DERA: variants seen among roughly 807,000 people sequenced by gnomAD.
DERA encodes deoxyribose-phosphate aldolase.
A neutral mutation model predicts 41.1 loss-of-function variants in DERA; 15 were observed. That is an observed-to-expected ratio of 0.37 (90% confidence interval 0.24 to 0.56). The LOEUF (loss-of-function observed/expected upper bound fraction) is 0.56. Among genes scored for constraint, DERA ranks in the 20% least tolerant of loss-of-function variants. The probability of loss-of-function intolerance (pLI) is 0.81; values close to 1 mark genes in which losing one functional copy is unlikely to be tolerated. For synonymous variants in DERA, 139 were observed against 137.4 expected (o/e 1.01, Z -0.08); for missense variants, 396 against 403.4 (o/e 0.98, Z 0.16).
chr12:15,974,047 C>T (rs1268688688), intron 5 of DERA, among the ~76,000 whole-genome samples: 1 of 152,012 alleles, frequency 6.6e-6, no homozygotes, highest in Non-Finnish European at 1.5e-5. Context: ...TGACTTATTT[C>T]CTCTGTGAAG....
In DERA at chr12:16,026,688, G is replaced by T. The variant is rs991804801; in HGVS notation, c.638-5854G>T. Reference sequence around the variant, plus strand: ...AAAAACTATTTATAACCTTCCAAAAGAAAGCACCAGCTCTAGATGGCTTCA... The same window carrying T: ...AAAAACTATTTATAACCTTCCAAAATAAAGCACCAGCTCTAGATGGCTTCA... On this transcript the variant is annotated intron_variant, in intron 6 of 8. Coordinates refer to ENST00000428559, the MANE Select transcript of DERA (RefSeq NM_015954.4). The surrounding 1 kb of genome is among the most constrained non-coding windows in gnomAD (Gnocchi z 4.4). Among the ~76,000 whole-genome samples, 146 of 151,418 alleles carry T rather than the reference G, an allele frequency of 9.6e-4. No individual in the cohort carries two copies. Among genetic ancestry groups the T allele is most frequent in the African/African-American group, 3.5e-3 (143 of 41,374 alleles).
chr12:16,024,907 T>C (rs1160320412), intron 6 of DERA, among the ~76,000 whole-genome samples: 1 of 152,122 alleles, frequency 6.6e-6, no homozygotes, highest in Non-Finnish European at 1.5e-5. Context: ...TAAGCTGAAA[T>C]GAATGACAGC....
rs1422815073 is a variant in DERA, at chr12:15,998,796, C to T, written c.637+16360C>T. 1.3e-5 allele frequency among the ~76,000 whole-genome samples: 2 copies of T among 152,130 alleles called. No individual in the cohort carries two copies. The highest frequency in any genetic ancestry group is 1.3e-4 in the Admixed American group (2 of 15,266). On this transcript the variant is annotated intron_variant, in intron 6 of 8. Transcript: ENST00000428559. The surrounding 1 kb of genome is among the most constrained non-coding windows in gnomAD (Gnocchi z 4.8). ...CGCTGAACTTACATCCCCAAAGAAACAAGATTGTACATTGTTGTTTGGTGT... is the reference window on the plus strand; with the variant it reads ...CGCTGAACTTACATCCCCAAAGAAATAAGATTGTACATTGTTGTTTGGTGT...
Position 15,940,190 on chromosome 12 carries a change from G to A in DERA, c.32-16746G>A, listed in dbSNP as rs1176068070. ...TTTATCTTCAGCAAAATAGACTTCCGGTTTTTTTATTTGATAAATTAGATT... is the reference window on the plus strand; with the variant it reads ...TTTATCTTCAGCAAAATAGACTTCCAGTTTTTTTATTTGATAAATTAGATT... On this transcript the variant is annotated intron_variant, in intron 1 of 8. Coordinates refer to ENST00000428559, the MANE Select transcript of DERA (RefSeq NM_015954.4). The surrounding 1 kb of genome is among the most constrained non-coding windows in gnomAD (Gnocchi z 5.1). Among the ~76,000 whole-genome samples, 4 of 151,926 alleles carry A rather than the reference G, an allele frequency of 2.6e-5. No individual in the cohort carries two copies. Among genetic ancestry groups the A allele is most frequent in the Admixed American group, 6.5e-5 (1 of 15,268 alleles).
chr12:16,007,067 A>C (rs1202844127), intron 6 of DERA, among the ~76,000 whole-genome samples: 5 of 152,254 alleles, frequency 3.3e-5, no homozygotes, highest in African/African-American at 1.2e-4. Context: ...GAAAATCTTT[A>C]AATAAAAACC....
At chr12:16,029,721 G>T (rs1222853324) in intron 6 of DERA, among the ~76,000 whole-genome samples, 1 of 151,992 alleles carries the variant, frequency 6.6e-6, no homozygotes, top group African/African-American at 2.4e-5. Context: ...CAAATAATGT[G>T]TAGGCCACTG....
chr12:15,926,855 A>T (rs1948290379), intron 1 of DERA, among the ~76,000 whole-genome samples: 1 of 152,154 alleles, frequency 6.6e-6, no homozygotes, highest in Middle Eastern at 3.2e-3. Context: ...ACTGGAATTC[A>T]GCCCTCATGC....
Position 15,972,970 on chromosome 12 carries a change from C to T in DERA, c.509-9338C>T, listed in dbSNP as rs1948673457. On this transcript the variant is annotated intron_variant, in intron 5 of 8. Transcript: ENST00000428559. The surrounding 1 kb of genome is among the most constrained non-coding windows in gnomAD (Gnocchi z 4.4). The stretch of plus-strand genomic sequence containing the variant: ...CAAACATGCAGTCTGACCCCTTTCC[C>T]TCCTTTCCACTCCTTGGATCCACAC... Among the ~76,000 whole-genome samples the T allele has an allele frequency of 6.6e-6, 1 of 152,072 alleles. No homozygotes were observed. The highest frequency in any genetic ancestry group is 2.4e-5 in the African/African-American group (1 of 41,392).
chr12:16,024,729 A>G (rs1047743054), intron 6 of DERA, among the ~76,000 whole-genome samples: 4 of 152,170 alleles, frequency 2.6e-5, no homozygotes, highest in African/African-American at 9.6e-5. Context: ...CAAGTTTCTC[A>G]GGGAGAAGAA....
intron 1 of DERA, among the ~76,000 whole-genome samples, chr12:15,926,629 G>C (rs1318282190): frequency 1.3e-5 from 2 of 151,988 alleles, no homozygotes; most frequent in Non-Finnish European, 2.9e-5. Context: ...CCAGCTACTC[G>C]GGAGGCTGAG....
At chr12:16,028,875 C>T (rs572077215) in intron 6 of DERA, among the ~76,000 whole-genome samples, 1 of 152,072 alleles carries the variant, frequency 6.6e-6, no homozygotes, top group Admixed American at 6.5e-5. Flanking sequence ...AAGAAACTAT[C>T]ACAGCCAAGA....
intron 6 of DERA, among the ~76,000 whole-genome samples, chr12:16,016,469 C>A (rs1592051818): frequency 6.6e-6 from 1 of 151,864 alleles, no homozygotes; most frequent in South Asian, 2.1e-4. Context: ...TTTCTTTTTT[C>A]CAAATGCGTT....
chr12:15,966,291 C>A lies in DERA; in HGVS notation c.508+3344C>A, dbSNP rs549200811. On this transcript the variant is annotated intron_variant, in intron 5 of 8. Transcript: ENST00000428559. The surrounding 1 kb of genome is among the most constrained non-coding windows in gnomAD (Gnocchi z 5.1). ...CCAGCCTGGCCAACATGGCAAAACC[C>A]TATCTCTACTAAATATACAAAGATT... Among the ~76,000 whole-genome samples, 20 of 152,226 alleles carry A rather than the reference C, an allele frequency of 1.3e-4. No individual in the cohort carries two copies. In the South Asian group the frequency reaches 3.7e-3, roughly 28 times the overall value.
At chr12:15,960,102 C>T (rs1948572673) in intron 4 of DERA, among the ~76,000 whole-genome samples, 178 bp downstream of exon 4, 2 of 150,880 alleles carry the variant, frequency 1.3e-5, no homozygotes, top group Admixed American at 6.6e-5. Flanking sequence ...ACATTTATTC[C>T]CAACAATATA....
At chr12:15,923,086 G>T (rs1373130547) in intron 1 of DERA, among the ~76,000 whole-genome samples, 12 of 142,384 alleles carry the variant, frequency 8.4e-5, no homozygotes, top group African/African-American at 3.1e-4. Context: ...GCAGTGGCGC[G>T]ATCTCGGCTC....
intron 6 of DERA, among the ~76,000 whole-genome samples, chr12:16,006,565 A>G (rs568040413): frequency 2.0e-5 from 3 of 152,200 alleles, no homozygotes; most frequent in Admixed American, 6.5e-5. Flanking sequence ...AACCTCATTC[A>G]TTTCCACACG....
chr12:16,006,448 C>G (rs1401124278), intron 6 of DERA, among the ~76,000 whole-genome samples: 1 of 152,148 alleles, frequency 6.6e-6, no homozygotes, highest in Admixed American at 6.5e-5. Flanking sequence ...AAAACAAAGC[C>G]CAAACGTTAC....
chr12:16,002,596 G>A (rs575413084), intron 6 of DERA, among the ~76,000 whole-genome samples: 1 of 152,008 alleles, frequency 6.6e-6, no homozygotes, highest in South Asian at 2.1e-4. Flanking sequence ...ATTTTTTTGT[G>A]TATGTGTGGT....
intron 6 of DERA, among the ~76,000 whole-genome samples, chr12:16,006,683 T>C (rs1021352342): frequency 6.6e-6 from 1 of 152,260 alleles, no homozygotes; most frequent in Admixed American, 6.5e-5. Context: ...TGTGTCTGCC[T>C]ATCTCTCAGA....
Sources: gnomAD v4.1 joint callset for allele counts (sites outside exome capture counted in the v4.1 genomes callset) on GRCh38, gnomAD v4.1.1 for gene constraint, Gnocchi (gnomAD v3.1) non-coding constraint, MANE v1.5 for transcripts, NCBI Gene and HGNC (gene_info 2026-07-23, HGNC 2026-07-21) for gene names.